The following PAG1 variants were observed in gnomAD, a reference collection of about 807,000 sequenced individuals.
The protein encoded by PAG1 is phosphoprotein associated with glycosphingolipid-enriched microdomains 1.
A neutral mutation model predicts 31.7 loss-of-function variants in PAG1; 23 were observed. The observed-to-expected ratio is 0.73, with a 90% CI of 0.52 to 1.03. The LOEUF (loss-of-function observed/expected upper bound fraction) is 1.03, where lower values mean the gene tolerates loss of function less well. Among genes scored for constraint, PAG1 ranks in the 50% least tolerant of loss-of-function variants. The probability of loss-of-function intolerance (pLI) is 0.00; values close to 1 mark genes in which losing one functional copy is unlikely to be tolerated. For missense variants in PAG1, 473 were observed against 540.7 expected, an observed-to-expected ratio of 0.87 and a Z score of 1.24; for synonymous variants, 214 against 210.3, an observed-to-expected ratio of 1.02 and a Z score of -0.15.
At chr8:81,104,452 A>G (rs573517023) in intron 1 of PAG1, among the ~76,000 whole-genome samples, 1 of 150,892 alleles carries the variant, frequency 6.6e-6, no homozygotes, top group East Asian at 2.0e-4. Context: ...ACAATTTCAA[A>G]TACACGGAAG....
intron 1 of PAG1, among the ~76,000 whole-genome samples, chr8:81,101,162 A>G (rs1809605212): frequency 6.6e-6 from 1 of 152,338 alleles, no homozygotes. Flanking sequence ...CACAGTATTT[A>G]GCAATCCTCT....
At chr8:81,047,383 C>T (rs1808659089) in intron 2 of PAG1, among the ~76,000 whole-genome samples, 1 of 152,178 alleles carries the variant, frequency 6.6e-6, no homozygotes, top group Admixed American at 6.5e-5. Flanking sequence ...AACAGCCATT[C>T]TGACTGATGT....
intron 3 of PAG1, among the ~76,000 whole-genome samples, chr8:81,016,795 G>A (rs1808079612): frequency 6.6e-6 from 1 of 152,076 alleles, no homozygotes; most frequent in South Asian, 2.1e-4. Context: ...ACTTGCTTTG[G>A]CCAGGAAATG....
chr8:81,062,344 A>G (rs888046053), intron 2 of PAG1, among the ~76,000 whole-genome samples: 2 of 152,376 alleles, frequency 1.3e-5, no homozygotes, highest in African/African-American at 2.4e-5. Flanking sequence ...ATACTTGTCT[A>G]ACAACATCTT....
intron 3 of PAG1, among the ~76,000 whole-genome samples, chr8:81,025,331 C>T (rs763537925): frequency 2.6e-5 from 4 of 152,084 alleles, no homozygotes; most frequent in Non-Finnish European, 4.4e-5. Flanking sequence ...TTTGCTGAAC[C>T]CATGTCTCCC....
At chr8:81,062,536 A>G (rs1161152590) in intron 2 of PAG1, among the ~76,000 whole-genome samples, 1 of 152,178 alleles carries the variant, frequency 6.6e-6, no homozygotes, top group Non-Finnish European at 1.5e-5. Flanking sequence ...CCATTATCAG[A>G]TATTTTTCAT....
chr8:81,065,699 G>C (rs1808992976), intron 2 of PAG1, among the ~76,000 whole-genome samples: 1 of 152,000 alleles, frequency 6.6e-6, no homozygotes, highest in Admixed American at 6.6e-5. Context: ...TGAGGGAAAA[G>C]TCAGGGCATA....
intron 1 of PAG1, among the ~76,000 whole-genome samples, chr8:81,086,861 T>C (rs767196351): frequency 5.3e-5 from 8 of 152,136 alleles, no homozygotes; most frequent in Non-Finnish European, 8.8e-5. Context: ...GGTACTCTCA[T>C]GTACTGCTTG....
intron 2 of PAG1, among the ~76,000 whole-genome samples, chr8:81,041,892 C>A (rs1010285140): frequency 2.0e-5 from 3 of 152,146 alleles, no homozygotes; most frequent in African/African-American, 7.2e-5. Context: ...CAAGTAGTAC[C>A]ATGAATGAGG....
chr8:81,075,716 C>T (rs1164973129), intron 1 of PAG1, among the ~76,000 whole-genome samples: 1 of 152,196 alleles, frequency 6.6e-6, no homozygotes, highest in Non-Finnish European at 1.5e-5. Context: ...CCAAGTGCAC[C>T]TGATTCCACA....
chr8:81,038,364 C>T (rs1027047832), intron 2 of PAG1, among the ~76,000 whole-genome samples: 1 of 152,180 alleles, frequency 6.6e-6, no homozygotes, highest in Admixed American at 6.5e-5. Flanking sequence ...GGACCCTGGC[C>T]TCCGTTCTTG....
intron 4 of PAG1, among the ~76,000 whole-genome samples, chr8:80,991,816 C>T (rs951245201): frequency 1.3e-5 from 2 of 150,716 alleles, no homozygotes; most frequent in Non-Finnish European, 2.9e-5. Flanking sequence ...CCTGGGCCTG[C>T]GTAGAAATTG....
chr8:81,109,950 T>G lies in PAG1; in HGVS notation c.-234+1641A>C, dbSNP rs374513496. 1.1e-3 allele frequency among the ~76,000 whole-genome samples: 162 copies of G among 152,340 alleles called. 6 individuals carry two copies. Among genetic ancestry groups the G allele is most frequent in the South Asian group, 2.1e-3 (10 of 4,832 alleles). Reference sequence around the variant, plus strand: ...TGAGATTCCATGCTTGGATGTAATCTCTTCTAGAGATAAGCACTGGATGCT... The same window carrying G: ...TGAGATTCCATGCTTGGATGTAATCGCTTCTAGAGATAAGCACTGGATGCT... On this transcript the variant is annotated intron_variant, in intron 1 of 8. Transcript: ENST00000220597.
At chr8:81,026,858 C>T (rs559297336) in intron 3 of PAG1, among the ~76,000 whole-genome samples, 12 of 152,260 alleles carry the variant, frequency 7.9e-5, no homozygotes, top group African/African-American at 2.9e-4. Context: ...TAATCCTTAA[C>T]TCAGCTGTGA....
chr8:81,001,747 T>C (rs1807788213), intron 3 of PAG1, among the ~76,000 whole-genome samples: 1 of 152,198 alleles, frequency 6.6e-6, no homozygotes, highest in Non-Finnish European at 1.5e-5. Flanking sequence ...ATGAGGAAAC[T>C]GAGGCTCAAA....
rs1807130387 is a variant in PAG1, at chr8:80,973,998, C to G, written c.*2546G>C. On this transcript the variant is annotated 3_prime_UTR_variant, in exon 9 of 9. Coordinates refer to ENST00000220597, the MANE Select transcript of PAG1 (RefSeq NM_018440.4). ...AGTACACTGAAAATACTTTATATCACAGCTTATTCTAACCACTGGTTCTCA... is the reference window on the plus strand; with the variant it reads ...AGTACACTGAAAATACTTTATATCAGAGCTTATTCTAACCACTGGTTCTCA... 6.6e-6 allele frequency: 1 copy of G among 152,174 alleles called. No homozygotes were observed. The highest frequency in any genetic ancestry group is 1.5e-5 in the Non-Finnish European group (1 of 68,044). The allele number at this position is 152,174 out of a possible 1,614,324, so 9.4% of individuals were successfully genotyped here.
chr8:81,102,962 GGTACGT>G (rs1308945112), intron 1 of PAG1, among the ~76,000 whole-genome samples: 1 of 151,986 alleles, frequency 6.6e-6, no homozygotes, highest in Non-Finnish European at 1.5e-5. Flanking sequence ...TGCACACACA[GGTACGT>G]GTACACACGG....
At position 81,111,903 on chromosome 8, in the gene PAG1, A is replaced by G. The variant is rs1809781772; in HGVS notation, c.-546T>C. Reference sequence around the variant, plus strand: ...CCCCTGGTGGGTGTCTCTGGCTCCAAGGGAATCACGGCTCAATTAGGGACC... The same window carrying G: ...CCCCTGGTGGGTGTCTCTGGCTCCAGGGGAATCACGGCTCAATTAGGGACC... On this transcript the variant is annotated 5_prime_UTR_variant, in exon 1 of 9. Transcript: ENST00000220597. 1 of 152,184 alleles carries G rather than the reference A, an allele frequency of 6.6e-6. No individual in the cohort carries two copies. Among genetic ancestry groups the G allele is most frequent in the African/African-American group, 2.4e-5 (1 of 41,432 alleles). 9.4% of individuals were successfully genotyped at this position (152,184 alleles called of 1,614,324 possible). A position where few individuals can be genotyped will look rare whatever the true frequency, so the allele number is the denominator to read the frequency against.
chr8:80,977,458 T>G (rs1250661511), intron 8 of PAG1, among the ~76,000 whole-genome samples: 1 of 152,128 alleles, frequency 6.6e-6, no homozygotes, highest in Non-Finnish European at 1.5e-5. Flanking sequence ...TGATGGCCAG[T>G]AAAGTATAAG....
Sources: gnomAD v4.1 joint callset for allele counts (sites outside exome capture counted in the v4.1 genomes callset) on GRCh38, gnomAD v4.1.1 for gene constraint, MANE v1.5 for transcripts, NCBI Gene and HGNC (gene_info 2026-07-23, HGNC 2026-07-21) for gene names.